ACMSD: variants seen among roughly 807,000 people sequenced by gnomAD.
ACMSD encodes the protein aminocarboxymuconate semialdehyde decarboxylase.
A neutral mutation model predicts 45.9 loss-of-function variants in ACMSD; 37 were observed. That is an observed-to-expected ratio of 0.81 (90% CI 0.62 to 1.06). The LOEUF is 1.06. ACMSD is among the 50% of genes least tolerant of loss of function. The probability of loss-of-function intolerance (pLI) is 0.00; values close to 1 mark genes in which losing one functional copy is unlikely to be tolerated. For synonymous variants in ACMSD, 138 were observed against 148.8 expected (o/e 0.93, Z 0.53); for missense variants, 434 against 420.9 (o/e 1.03, Z -0.27).
intron 8 of ACMSD, among the ~76,000 whole-genome samples, chr2:134,891,431 G>A (rs1227958655): frequency 6.6e-6 from 1 of 151,942 alleles, no homozygotes; most frequent in African/African-American, 2.4e-5. Flanking sequence ...CAAAGCTCAT[G>A]AATAGACACA....
chr2:134,897,065 G>T (rs1690195624), intron 8 of ACMSD, among the ~76,000 whole-genome samples: 1 of 151,790 alleles, frequency 6.6e-6, no homozygotes, highest in Non-Finnish European at 1.5e-5. Context: ...TAGTGGAAAT[G>T]ATTACACAAA....
intron 2 of ACMSD, among the ~76,000 whole-genome samples, chr2:134,854,838 A>C (rs1400763517): frequency 6.6e-6 from 1 of 152,216 alleles, no homozygotes; most frequent in Non-Finnish European, 1.5e-5. Context: ...AGTGAGGCTT[A>C]AACTCAGAGG....
chr2:134,852,902 C>T (rs970742746), intron 2 of ACMSD, among the ~76,000 whole-genome samples: 3 of 152,098 alleles, frequency 2.0e-5, no homozygotes, highest in Non-Finnish European at 2.9e-5. Flanking sequence ...TGGTGCCTCA[C>T]GCCTAATCCC....
chr2:134,871,957 ACT>A (rs1463888620), intron 7 of ACMSD, among the ~76,000 whole-genome samples: 2 of 113,588 alleles, frequency 1.8e-5, no homozygotes, highest in Non-Finnish European at 3.4e-5. Flanking sequence ...ACTTGCCTTC[ACT>A]CTTTTTTTTT....
intron 8 of ACMSD, among the ~76,000 whole-genome samples, chr2:134,892,427 C>A (rs990276542): frequency 6.6e-6 from 1 of 151,462 alleles, no homozygotes; most frequent in Admixed American, 6.6e-5. Flanking sequence ...TAAAAAGGGC[C>A]TGTGCTGAAG....
intron 1 of ACMSD, among the ~76,000 whole-genome samples, chr2:134,840,237 AAAG>A (rs1479562917): frequency 7.1e-6 from 1 of 141,292 alleles, no homozygotes; most frequent in Non-Finnish European, 1.5e-5. Context: ...TTTGAGTATG[AAAG>A]AATATCCACA....
intron 2 of ACMSD, among the ~76,000 whole-genome samples, chr2:134,854,345 G>C (rs1339544948): frequency 6.6e-6 from 1 of 152,178 alleles, no homozygotes; most frequent in Non-Finnish European, 1.5e-5. Context: ...ACAGCTCCCA[G>C]AGTTCCTGTG....
intron 2 of ACMSD, among the ~76,000 whole-genome samples, chr2:134,847,457 G>T (rs866780115): frequency 1.4e-4 from 20 of 140,774 alleles, no homozygotes; most frequent in South Asian, 2.2e-4. Flanking sequence ...GATATAGATA[G>T]AGATAGAGAT....
chr2:134,883,472 A>G (rs1689159732), intron 8 of ACMSD, among the ~76,000 whole-genome samples: 1 of 152,214 alleles, frequency 6.6e-6, no homozygotes, highest in Non-Finnish European at 1.5e-5. Context: ...ATTTGCAGTT[A>G]TGAAATAACA....
In ACMSD at chr2:134,885,208, C is replaced by T. The variant is rs186734074; in HGVS notation, c.849+12567C>T. 1.0e-2 allele frequency among the ~76,000 whole-genome samples: 1,252 copies of T among 125,466 alleles called. 19 individuals are homozygous for T. Among genetic ancestry groups the T allele is most frequent in the African/African-American group, 0.035 (1,131 of 32,428 alleles). 82.3% of individuals were successfully genotyped at this position (125,466 alleles called of 152,430 possible). A position where few individuals can be genotyped will look rare whatever the true frequency, so the allele number is the denominator to read the frequency against. The stretch of plus-strand genomic sequence containing the variant: ...GAGACTTTGTCTCAAAAAATATATA[C>T]ATATATATATTTATATATAATACAT... On this transcript the variant is annotated intron_variant, in intron 8 of 9. Transcript: ENST00000356140.
chr2:134,862,548 T>C (rs1170500374), intron 4 of ACMSD, among the ~76,000 whole-genome samples: 2 of 152,172 alleles, frequency 1.3e-5, no homozygotes, highest in East Asian at 3.9e-4. Context: ...GCCGGGAATG[T>C]GCTAGTCCCT....
intron 9 of ACMSD, among the ~76,000 whole-genome samples, chr2:134,900,600 T>C (rs544844074): frequency 1.3e-5 from 2 of 152,306 alleles, no homozygotes; most frequent in East Asian, 1.9e-4. Flanking sequence ...AGATCTTACT[T>C]TGTAAGAATG....
intron 8 of ACMSD, among the ~76,000 whole-genome samples, chr2:134,879,490 T>C (rs1447560569): frequency 7.2e-5 from 11 of 152,238 alleles, no homozygotes; most frequent in African/African-American, 2.7e-4. Context: ...TCTGTATTCG[T>C]TACATGCTGC....
intron 9 of ACMSD, among the ~76,000 whole-genome samples, chr2:134,899,520 T>C (rs914873384): frequency 6.6e-6 from 1 of 152,146 alleles, no homozygotes; most frequent in Non-Finnish European, 1.5e-5. Context: ...TGAAAAACTT[T>C]CTATTAACCA....
chr2:134,856,228 G>T (rs1467243235), intron 2 of ACMSD, among the ~76,000 whole-genome samples: 1 of 152,144 alleles, frequency 6.6e-6, no homozygotes, highest in Admixed American at 6.6e-5. Context: ...ACAAACTGAA[G>T]CTTGAAGATA....
intron 8 of ACMSD, among the ~76,000 whole-genome samples, chr2:134,885,668 G>C (rs1283708113): frequency 1.3e-5 from 2 of 151,162 alleles, no homozygotes; most frequent in East Asian, 3.9e-4. Flanking sequence ...ACATTTTATA[G>C]AGAAAAAAAT....
chr2:134,862,142 C>T, intron 4 of ACMSD, 124 bp downstream of exon 4: 1 of 1,012,230 alleles, frequency 9.9e-7, no homozygotes, highest in Admixed American at 1.7e-5. Flanking sequence ...CTGTCCTCCC[C>T]TTTAGCGATC....
chr2:134,885,285 TTATATTTATATATATATTTA>T (rs1689283636), intron 8 of ACMSD, among the ~76,000 whole-genome samples: 5 of 104,364 alleles, frequency 4.8e-5, no homozygotes, highest in East Asian at 2.3e-4. Context: ...ATATTATATA[TTATATTTATATATATATTTA>T]AATATATATA....
chr2:134,885,323 A>G (rs1248739966), intron 8 of ACMSD, among the ~76,000 whole-genome samples: 1 of 111,432 alleles, frequency 9.0e-6, no homozygotes, highest in African/African-American at 3.7e-5. Context: ...ATATATAAAT[A>G]TATATGTAAA....
Sources: allele counts gnomAD v4.1 joint callset (sites outside exome capture counted in the v4.1 genomes callset), GRCh38; gene constraint gnomAD v4.1.1; transcripts MANE v1.5; gene names NCBI Gene and HGNC (gene_info 2026-07-23, HGNC 2026-07-21).